CSMD3: variants seen among roughly 807,000 people sequenced by gnomAD.
The protein encoded by CSMD3 is CUB and sushi domain-containing protein 3.
Under a neutral mutation model 435.2 loss-of-function variants are expected in CSMD3, and 177 were observed. The observed-to-expected ratio is 0.41, with a 90% confidence interval of 0.36 to 0.46. The LOEUF (loss-of-function observed/expected upper bound fraction) is 0.46. CSMD3 is among the 20% of genes least tolerant of loss of function. The pLI is 0.34. For synonymous variants in CSMD3, 1,656 were observed against 1,520.5 expected, an observed-to-expected ratio of 1.09 and a Z score of -2.07; for missense variants, 4,265 against 4,504.6, an observed-to-expected ratio of 0.95 and a Z score of 1.52.
At chr8:112,669,918 A>T in intron 16 of CSMD3, among the ~76,000 whole-genome samples, 1 of 152,174 alleles carries the variant, frequency 6.6e-6, no homozygotes, top group East Asian at 1.9e-4. Context: ...ACTGTCAAGG[A>T]TTTGAACAAA....
Position 113,193,002 on chromosome 8 carries a change from A to G in CSMD3, c.515-19086T>C, listed in dbSNP as rs2092607151. Among the ~76,000 whole-genome samples, 4 of 151,546 alleles carry G rather than the reference A, an allele frequency of 2.6e-5. No individual in the cohort carries two copies. The South Asian group carries it at 8.3e-4, about 31-fold the overall frequency. On this transcript the variant is annotated intron_variant, in intron 3 of 70. Coordinates refer to ENST00000297405, the MANE Select transcript of CSMD3 (RefSeq NM_198123.2). ...AGTGATTGTCTTGATTGCTTTGTTA[A>G]GAGACCCATTATAACAGCATTTCTT... is the stretch of plus-strand genomic sequence containing the variant.
At chr8:112,245,216 T>C (rs1325637526) in intron 64 of CSMD3, among the ~76,000 whole-genome samples, 1 of 152,054 alleles carries the variant, frequency 6.6e-6, no homozygotes, top group African/African-American at 2.4e-5. Flanking sequence ...TCTCCATGTT[T>C]CCTTCCACTC....
intron 4 of CSMD3, among the ~76,000 whole-genome samples, chr8:113,100,250 G>T (rs1303151228): frequency 6.6e-6 from 1 of 151,514 alleles, no homozygotes; most frequent in Non-Finnish European, 1.5e-5. Flanking sequence ...AAATTTTATT[G>T]TGTGCTCTTT....
At chr8:112,804,837 G>A (rs570290910) in intron 12 of CSMD3, among the ~76,000 whole-genome samples, 1 of 151,886 alleles carries the variant, frequency 6.6e-6, no homozygotes, top group Non-Finnish European at 1.5e-5. Context: ...GCTAATTTTT[G>A]TATTTTTAGT....
intron 2 of CSMD3, among the ~76,000 whole-genome samples, chr8:113,305,644 C>T (rs2093814206): frequency 6.6e-6 from 1 of 152,192 alleles, no homozygotes; most frequent in Admixed American, 6.5e-5. Context: ...CTGGTATAAA[C>T]AATAAATAGT....
chr8:113,410,689 T>C (rs766781309), intron 1 of CSMD3, among the ~76,000 whole-genome samples: 3 of 151,286 alleles, frequency 2.0e-5, no homozygotes, highest in Non-Finnish European at 4.4e-5. Flanking sequence ...GTGGGAGGAT[T>C]GCTTGAGCAC....
At chr8:113,324,616 G>A (rs540563857) in intron 1 of CSMD3, among the ~76,000 whole-genome samples, 169 of 152,288 alleles carry the variant, frequency 1.1e-3, no homozygotes, top group Middle Eastern at 0.01. Context: ...GGGTCTTCAC[G>A]GAGAACCTCT....
At chr8:112,344,112 G>A (rs1182098391) in intron 41 of CSMD3, among the ~76,000 whole-genome samples, 1 of 152,060 alleles carries the variant, frequency 6.6e-6, no homozygotes, top group Non-Finnish European at 1.5e-5. Flanking sequence ...TCAATCTCCT[G>A]ACCTTGTGAT....
At chr8:112,471,232 G>A (rs1013819351) in intron 32 of CSMD3, among the ~76,000 whole-genome samples, 8 of 152,062 alleles carry the variant, frequency 5.3e-5, no homozygotes, top group Non-Finnish European at 1.0e-4. Flanking sequence ...AATGGCTTCC[G>A]AAGAGGACTC....
intron 10 of CSMD3, among the ~76,000 whole-genome samples, chr8:112,919,106 A>C (rs1180401491): frequency 6.6e-6 from 1 of 151,960 alleles, no homozygotes; most frequent in Non-Finnish European, 1.5e-5. Context: ...CAATGAGCAA[A>C]TGCAGCTATG....
chr8:112,708,778 C>G (rs765204830), intron 13 of CSMD3, among the ~76,000 whole-genome samples: 2 of 150,274 alleles, frequency 1.3e-5, no homozygotes, highest in South Asian at 4.2e-4. Flanking sequence ...CTGCAACAAT[C>G]GAGAGCAAAA....
chr8:112,684,157 A>G (rs1299610863), intron 15 of CSMD3, among the ~76,000 whole-genome samples: 1 of 151,996 alleles, frequency 6.6e-6, no homozygotes, highest in Non-Finnish European at 1.5e-5. Context: ...TGCATTTAAG[A>G]CAAAATAAAA....
At chr8:112,436,081 A>G (rs1814311220) in intron 32 of CSMD3, among the ~76,000 whole-genome samples, 1 of 151,964 alleles carries the variant, frequency 6.6e-6, no homozygotes, top group Non-Finnish European at 1.5e-5. Context: ...TAGAGTGCAT[A>G]TGAGAATCAT....
intron 13 of CSMD3, among the ~76,000 whole-genome samples, chr8:112,741,183 C>A (rs931244580): frequency 6.6e-6 from 1 of 151,694 alleles, no homozygotes; most frequent in African/African-American, 2.4e-5. Flanking sequence ...GACAACCTAC[C>A]AGATAGTAGA....
At chr8:112,419,084 T>C (rs1398695771) in intron 32 of CSMD3, among the ~76,000 whole-genome samples, 1 of 152,192 alleles carries the variant, frequency 6.6e-6, no homozygotes, top group African/African-American at 2.4e-5. Flanking sequence ...TTAGGGATAC[T>C]TGACTGTACT....
intron 22 of CSMD3, among the ~76,000 whole-genome samples, chr8:112,606,836 A>G (rs752283864): frequency 4.6e-5 from 7 of 152,246 alleles, no homozygotes; most frequent in Middle Eastern, 3.4e-3. Flanking sequence ...AATATATTGA[A>G]GCAAATGAAG....
At chr8:113,029,406 A>C (rs541395130) in intron 5 of CSMD3, among the ~76,000 whole-genome samples, 1 of 151,624 alleles carries the variant, frequency 6.6e-6, no homozygotes. Context: ...ATCCAACAGC[A>C]TATCAAAAAG....
intron 3 of CSMD3, among the ~76,000 whole-genome samples, chr8:113,233,544 T>C (rs2093113949): frequency 6.6e-6 from 1 of 151,054 alleles, no homozygotes; most frequent in Non-Finnish European, 1.5e-5. Flanking sequence ...ATTTACATGA[T>C]ATAATAAGAA....
chr8:112,550,073 C>T (rs967524299), intron 27 of CSMD3, among the ~76,000 whole-genome samples: 1 of 151,900 alleles, frequency 6.6e-6, no homozygotes, highest in African/African-American at 2.4e-5. Context: ...TACAGAACAA[C>T]ATATATTTAG....
Sources: allele counts gnomAD v4.1 joint callset (sites outside exome capture counted in the v4.1 genomes callset), GRCh38; gene constraint gnomAD v4.1.1; transcripts MANE v1.5; gene names NCBI Gene and HGNC (gene_info 2026-07-23, HGNC 2026-07-21).